SUB1: variants seen among roughly 807,000 people sequenced by gnomAD.
SUB1 encodes SUB1 regulator of transcription.
Under a neutral mutation model 16.9 loss-of-function variants are expected in SUB1, and 1 was observed. That is an observed-to-expected ratio of 0.06 (90% confidence interval 0.02 to 0.28). The LOEUF (loss-of-function observed/expected upper bound fraction) is 0.28, where lower values mean the gene tolerates loss of function less well. Ranked by LOEUF, SUB1 falls within the 10% of genes least tolerant of loss-of-function variation. SUB1 has a pLI of 1.00. For synonymous variants in SUB1, 51 were observed against 46.9 expected, an observed-to-expected ratio of 1.09 and a Z score of -0.36; for missense variants, 84 against 145.2, an observed-to-expected ratio of 0.58 and a Z score of 2.16.
intron 3 of SUB1, among the ~76,000 whole-genome samples, chr5:32,593,477 AC>A (rs1459057201): frequency 6.6e-6 from 1 of 152,184 alleles, no homozygotes. Flanking sequence ...AAAAAGATAG[AC>A]AAAGTGCAGA....
chr5:32,587,545 A>G (rs1184254459), intron 1 of SUB1, among the ~76,000 whole-genome samples: 3 of 152,194 alleles, frequency 2.0e-5, no homozygotes, highest in African/African-American at 4.8e-5. Flanking sequence ...AGGTTCTTCA[A>G]ATTTTAATTA....
intron 1 of SUB1, among the ~76,000 whole-genome samples, chr5:32,587,447 T>C (rs1738701713): frequency 6.6e-6 from 1 of 152,256 alleles, no homozygotes; most frequent in African/African-American, 2.4e-5. Flanking sequence ...TCTATGTCTC[T>C]GGGGGGACCT....
At chr5:32,590,891 C>G (rs368311578) in intron 2 of SUB1, among the ~76,000 whole-genome samples, 2 of 151,308 alleles carry the variant, frequency 1.3e-5, no homozygotes, top group African/African-American at 4.9e-5. Flanking sequence ...CTCAGCCTCC[C>G]TAGTAGCTGG....
chr5:32,587,728 AG>A (rs1738709452), intron 1 of SUB1, among the ~76,000 whole-genome samples: 1 of 151,678 alleles, frequency 6.6e-6, no homozygotes, highest in South Asian at 2.1e-4. Context: ...CTCCTGCCTC[AG>A]TCTCCCGAAT....
In SUB1 at chr5:32,601,313, A is replaced by G. The variant is rs1361764200; in HGVS notation, c.*229A>G. On this transcript the variant is annotated 3_prime_UTR_variant, in exon 5 of 5. Coordinates refer to ENST00000265073, the MANE Select transcript of SUB1 (RefSeq NM_006713.4). ...CTGCCCACCACCTAGTGTAAAATAA[A>G]ATCAAGTAATACAATCTTAACTGTT... is the stretch of plus-strand genomic sequence containing the variant. 4.4e-6 allele frequency: 2 copies of G among 457,308 alleles called. No homozygotes were observed. The highest frequency in any genetic ancestry group is 7.8e-6 in the Non-Finnish European group (2 of 257,114). 28.3% of individuals were successfully genotyped at this position (457,308 alleles called of 1,614,324 possible). A position where few individuals can be genotyped will look rare whatever the true frequency, so the allele number is the denominator to read the frequency against.
chr5:32,602,069 A>G lies in SUB1; in HGVS notation c.*985A>G. 3.3e-6 allele frequency: 1 copy of G among 301,590 alleles called. No individual in the cohort carries two copies. Among genetic ancestry groups the G allele is most frequent in the South Asian group, 2.8e-5 (1 of 35,518 alleles). 18.7% of individuals were successfully genotyped at this position (301,590 alleles called of 1,614,324 possible). A position where few individuals can be genotyped will look rare whatever the true frequency, so the allele number is the denominator to read the frequency against. The stretch of plus-strand genomic sequence containing the variant: ...ATGGTTAGTTTGTAGGGAAAAGAGC[A>G]TATGAGCACATGCTTGTGTATTTTG... On this transcript the variant is annotated 3_prime_UTR_variant, in exon 5 of 5. Coordinates refer to ENST00000265073, the MANE Select transcript of SUB1 (RefSeq NM_006713.4).
At chr5:32,597,199 T>C (rs1738989958) in intron 3 of SUB1, 1 of 152,226 alleles carries the variant, frequency 6.6e-6, no homozygotes. Flanking sequence ...CGAAACTGTT[T>C]CATCTTGCAA....
At position 32,601,075 on chromosome 5, in the gene SUB1, A is replaced by G; in HGVS notation, c.375A>G (p.Arg125=). The change falls in exon 5 of 5, where the codon AGA becomes AGG. Residue 125 remains arginine, a synonymous_variant. Transcript: ENST00000265073. ...TTTCTGACATTGATGATGCAGTAAG[A>G]AAACTGTAAAATTCGAGCCATATAA... ...EQISDIDDAV[R]KL The G allele has an allele frequency of 6.2e-7, 1 of 1,611,486 alleles. No homozygotes were observed. The highest frequency in any genetic ancestry group is 8.5e-7 in the Non-Finnish European group (1 of 1,179,374).
chr5:32,595,598 T>G (rs1738942203), intron 3 of SUB1: 1 of 152,270 alleles, frequency 6.6e-6, no homozygotes, highest in South Asian at 2.1e-4. Context: ...TCTTGGGCTA[T>G]TAGGAATACA....
intron 3 of SUB1, among the ~76,000 whole-genome samples, chr5:32,593,077 A>T (rs1738870746): frequency 6.6e-6 from 1 of 151,918 alleles, no homozygotes; most frequent in Admixed American, 6.6e-5. Flanking sequence ...CAGTGGTGTG[A>T]TCTCTGCTCA....
chr5:32,591,406 A>T, intron 2 of SUB1, 157 bp from the exon 3 acceptor site: 2 of 1,024,774 alleles, frequency 2.0e-6, no homozygotes, highest in South Asian at 2.2e-5. Flanking sequence ...GGTTAGATTC[A>T]TAGTTTTGTT....
At chr5:32,599,119 A>G (rs371566497) in intron 4 of SUB1, 50 bp downstream of exon 4, 141 of 1,388,444 alleles carry the variant, frequency 1.0e-4, no homozygotes, top group Non-Finnish European at 1.3e-4. Context: ...CTAAACGACA[A>G]CTTTTCTGAG....
chr5:32,598,491 G>A (rs1293093802), intron 3 of SUB1: 1 of 144,180 alleles, frequency 6.9e-6, no homozygotes. Flanking sequence ...AGTACACTGA[G>A]ATAACAGGAA....
At chr5:32,588,273 G>A (rs1238429701) in intron 1 of SUB1, among the ~76,000 whole-genome samples, 2 of 152,182 alleles carry the variant, frequency 1.3e-5, no homozygotes, top group Admixed American at 1.3e-4. Context: ...AGAGGTGTAG[G>A]AGTGTATGAC....
chr5:32,594,690 T>C (rs1738913624), intron 3 of SUB1: 5 of 434,122 alleles, frequency 1.2e-5, no homozygotes, highest in South Asian at 3.2e-5. Flanking sequence ...TAGATTCTCA[T>C]AGGAGCGCGA....
chr5:32,587,666 A>G (rs1738707641), intron 1 of SUB1, among the ~76,000 whole-genome samples: 2 of 150,874 alleles, frequency 1.3e-5, no homozygotes, highest in African/African-American at 2.4e-5. Flanking sequence ...GCCGGAGTGC[A>G]ATGATGTGAC....
intron 3 of SUB1, chr5:32,594,745 C>G (rs990363681): frequency 2.5e-5 from 6 of 238,318 alleles, no homozygotes; most frequent in African/African-American, 9.1e-5. Context: ...GTTGTGCGTT[C>G]CTTATTCCTT....
At chr5:32,593,103 C>T (rs1738871593) in intron 3 of SUB1, among the ~76,000 whole-genome samples, 1 of 152,014 alleles carries the variant, frequency 6.6e-6, no homozygotes, top group South Asian at 2.1e-4. Flanking sequence ...ACTTCCGCTT[C>T]CTGGGCTCAA....
rs2111677323 is a variant in SUB1, at chr5:32,596,662, T to G, written c.196-2299T>G. ...TGTTGAAAAGAGTATTCTTATTCCT[T>G]TGAATTACCTTGGATTTTACCCCCT... On this transcript the variant is annotated intron_variant, in intron 3 of 4. Transcript: ENST00000265073. 2 of 152,306 alleles carry G rather than the reference T, an allele frequency of 1.3e-5. 1 individual carries two copies. The highest frequency in any genetic ancestry group is 4.1e-4 in the South Asian group (2 of 4,820). The allele number at this position is 152,306 out of a possible 1,614,324, so 9.4% of individuals were successfully genotyped here.
Sources: gnomAD v4.1 joint callset for allele counts (sites outside exome capture counted in the v4.1 genomes callset) on GRCh38, gnomAD v4.1.1 for gene constraint, MANE v1.5 for transcripts, NCBI Gene and HGNC (gene_info 2026-07-23, HGNC 2026-07-21) for gene names.